Variants in OXCT1 observed in about 807,000 individuals in gnomAD.
OXCT1 encodes succinyl-CoA:3-ketoacid coenzyme A transferase 1, mitochondrial.
A neutral mutation model predicts 69.6 loss-of-function variants in OXCT1; 27 were observed. That is an observed-to-expected ratio of 0.39 (90% CI 0.29 to 0.54). The LOEUF (loss-of-function observed/expected upper bound fraction) is 0.54, where lower values mean the gene tolerates loss of function less well. OXCT1 is among the 20% of genes least tolerant of loss of function. The pLI is 0.72. For missense variants in OXCT1, 437 were observed against 650.2 expected (o/e 0.67, Z 3.57); for synonymous variants, 202 against 217.8 (o/e 0.93, Z 0.64).
chr5:41,819,318 C>T (rs1194346063), intron 7 of OXCT1, among the ~76,000 whole-genome samples: 6 of 147,000 alleles, frequency 4.1e-5, no homozygotes, highest in Non-Finnish European at 7.4e-5. Flanking sequence ...GTATCACGAA[C>T]ATTCTAAAAC....
At position 41,794,380 on chromosome 5, in the gene OXCT1, T is replaced by C. The variant is rs1561081854; in HGVS notation, c.1172+297A>G. The C allele has an allele frequency of 1.0e-5, 6 of 593,862 alleles. No individual in the cohort carries two copies. In the Admixed American group the frequency reaches 1.2e-4, roughly 12 times the overall value. 36.8% of individuals were successfully genotyped at this position (593,862 alleles called of 1,614,324 possible). A position where few individuals can be genotyped will look rare whatever the true frequency, so the allele number is the denominator to read the frequency against. Reference sequence around the variant, plus strand: ...TTGAACACAAACACTAGCTAGAAAGTGAACACAGTTTGAAGAAAATGTTAG... The same window carrying C: ...TTGAACACAAACACTAGCTAGAAAGCGAACACAGTTTGAAGAAAATGTTAG... On this transcript the variant is annotated intron_variant, in intron 12 of 16. Transcript: ENST00000196371.
rs373295192 is a variant in OXCT1 at position 41,789,174 on chromosome 5, C to T, written c.1248+4829G>A. Among the ~76,000 whole-genome samples, 30 of 152,246 alleles carry T rather than the reference C, an allele frequency of 2.0e-4. 1 individual carries two copies. The South Asian group carries it at 6.0e-3, about 31-fold the overall frequency. On this transcript the variant is annotated intron_variant, in intron 13 of 16. Transcript: ENST00000196371. ...TTGGCAAATCTTTTCTGTAAAGGGCCAAACGGTAAATATTTTAGGCTTTGC... is the reference window on the plus strand; with the variant it reads ...TTGGCAAATCTTTTCTGTAAAGGGCTAAACGGTAAATATTTTAGGCTTTGC...
chr5:41,769,560 CA>C (rs1011999912), intron 13 of OXCT1, among the ~76,000 whole-genome samples: 2,211 of 92,424 alleles, frequency 0.024, 73 homozygotes, highest in Admixed American at 0.1. Flanking sequence ...CTATCTCTAC[CA>C]AAAAAAAAAA....
rs560967668 is a variant in OXCT1 at position 41,847,894 on chromosome 5, A to G, written c.564+2136T>C. The stretch of plus-strand genomic sequence containing the variant: ...CAAGACAGGGATGCCCTCTCTCACC[A>G]CTCCTATTCAACATAGTGTTGGAAG... On this transcript the variant is annotated intron_variant, in intron 5 of 16. Transcript: ENST00000196371. 2.0e-3 allele frequency among the ~76,000 whole-genome samples: 295 copies of G among 149,620 alleles called. 1 individual carries two copies. Among genetic ancestry groups the G allele is most frequent in the African/African-American group, 6.8e-3 (277 of 40,606 alleles).
At chr5:41,845,770 G>A (rs979014431) in intron 5 of OXCT1, among the ~76,000 whole-genome samples, 23 of 151,892 alleles carry the variant, frequency 1.5e-4, no homozygotes, top group South Asian at 4.2e-4. Flanking sequence ...CAAGTTTTCC[G>A]GGAACTTTAT....
intron 12 of OXCT1, 187 bp from the exon 13 acceptor site, chr5:41,794,265 A>G: frequency 1.6e-6 from 1 of 636,096 alleles, no homozygotes; most frequent in Non-Finnish European, 2.8e-6. Context: ...TTTTTGAAAA[A>G]AAAGTTACAG....
intron 6 of OXCT1, among the ~76,000 whole-genome samples, chr5:41,842,237 C>G (rs1192053383): frequency 1.3e-5 from 2 of 151,984 alleles, no homozygotes; most frequent in Admixed American, 6.6e-5. Context: ...TAGAAGACAC[C>G]AAAAGGACTG....
chr5:41,835,933 T>G (rs1748336486), intron 7 of OXCT1, among the ~76,000 whole-genome samples: 1 of 146,866 alleles, frequency 6.8e-6, no homozygotes, highest in Non-Finnish European at 1.5e-5. Flanking sequence ...GGTTTTCTAT[T>G]ACAGGCTCCT....
At chr5:41,774,141 C>T (rs1039513007) in intron 13 of OXCT1, among the ~76,000 whole-genome samples, 1 of 152,142 alleles carries the variant, frequency 6.6e-6, no homozygotes, top group Non-Finnish European at 1.5e-5. Flanking sequence ...CCTAAGAATG[C>T]CATTTTCTAG....
chr5:41,731,535 T>C lies in OXCT1; in HGVS notation c.*194A>G, dbSNP rs1742623793. ...CCTTAACAAATGAGATAATTATAAA[T>C]GCTCCTTTTGCTTTTTATTAAAATG... On this transcript the variant is annotated 3_prime_UTR_variant, in exon 17 of 17. Coordinates refer to ENST00000196371, the MANE Select transcript of OXCT1 (RefSeq NM_000436.4). The C allele has an allele frequency of 1.1e-6, 1 of 939,430 alleles. No individual in the cohort carries two copies. The highest frequency in any genetic ancestry group is 1.6e-6 in the Non-Finnish European group (1 of 644,146). 58.2% of individuals were successfully genotyped at this position (939,430 alleles called of 1,614,324 possible).
intron 5 of OXCT1, among the ~76,000 whole-genome samples, chr5:41,845,402 A>T (rs550645104): frequency 7.9e-5 from 12 of 152,114 alleles, no homozygotes; most frequent in Non-Finnish European, 1.3e-4. Context: ...CAGTACTTCC[A>T]CTATAGACAT....
intron 1 of OXCT1, among the ~76,000 whole-genome samples, chr5:41,869,039 T>C (rs754726940): frequency 4.6e-5 from 7 of 152,212 alleles, no homozygotes; most frequent in Non-Finnish European, 1.0e-4. Flanking sequence ...CTCTGGTTTG[T>C]ATTAGCTTCA....
At position 41,740,929 on chromosome 5, in the gene OXCT1, A is replaced by C. The variant is rs920956558; in HGVS notation, c.1420-1438T>G. Among the ~76,000 whole-genome samples the C allele has an allele frequency of 3.3e-5, 5 of 150,018 alleles. 1 individual carries two copies. Among genetic ancestry groups the C allele is most frequent in the Admixed American group, 2.7e-4 (4 of 15,024 alleles). On this transcript the variant is annotated intron_variant, in intron 15 of 16. Transcript: ENST00000196371. ...CTCCTCTACAGTTAACCTAAATTCA[A>C]CTATTATTTGCAGGCCTAGAATCTT...
chr5:41,794,810 G>A lies in OXCT1; in HGVS notation c.1100-61C>T, dbSNP rs797012457. The A allele has an allele frequency of 6.1e-4, 943 of 1,550,824 alleles. 14 individuals are homozygous for A. The South Asian group carries it at 9.9e-3, about 16-fold the overall frequency. ...ATTAGATTTCTAAGAGTATCATGGT[G>A]AACAGAGGTCCACATCTTCTCCATT... On this transcript the variant is annotated intron_variant, in intron 11 of 16. Transcript: ENST00000196371.
chr5:41,867,825 T>C (rs1750068018), intron 1 of OXCT1, among the ~76,000 whole-genome samples: 1 of 152,232 alleles, frequency 6.6e-6, no homozygotes. Flanking sequence ...GGTACTCTTA[T>C]AACCTTTTTC....
chr5:41,753,955 C>A (rs960078335), intron 14 of OXCT1, among the ~76,000 whole-genome samples: 1 of 151,974 alleles, frequency 6.6e-6, no homozygotes, highest in Admixed American at 6.6e-5. Context: ...AAGCACATGA[C>A]GGGGCTTATA....
chr5:41,747,169 CT>C (rs2112037076), intron 15 of OXCT1, among the ~76,000 whole-genome samples: 1 of 152,242 alleles, frequency 6.6e-6, no homozygotes, highest in East Asian at 1.9e-4. Flanking sequence ...AGCAAGACAT[CT>C]ACATCCCTCC....
intron 3 of OXCT1, among the ~76,000 whole-genome samples, chr5:41,860,424 G>A (rs755015390): frequency 6.6e-6 from 1 of 152,056 alleles, no homozygotes; most frequent in Non-Finnish European, 1.5e-5. Flanking sequence ...TTCTATAATT[G>A]GATAAGGATA....
chr5:41,827,537 T>C (rs546753592), intron 7 of OXCT1, among the ~76,000 whole-genome samples: 2 of 152,276 alleles, frequency 1.3e-5, no homozygotes, highest in East Asian at 3.9e-4. Context: ...CACAAGATAC[T>C]GCGGAAATGG....
Sources: allele counts gnomAD v4.1 joint callset (sites outside exome capture counted in the v4.1 genomes callset), GRCh38; gene constraint gnomAD v4.1.1; transcripts MANE v1.5; gene names NCBI Gene and HGNC (gene_info 2026-07-23, HGNC 2026-07-21).